SPAG9: variants seen among roughly 807,000 people sequenced by gnomAD.
SPAG9 encodes the protein sperm associated antigen 9.
Under a neutral mutation model 166.5 loss-of-function variants are expected in SPAG9, and 35 were observed. The observed-to-expected ratio is 0.21, with a 90% CI of 0.16 to 0.28. SPAG9 has a LOEUF of 0.28. Ranked by LOEUF, SPAG9 falls within the 10% of genes least tolerant of loss-of-function variation. The probability of loss-of-function intolerance (pLI) is 1.00; values close to 1 mark genes in which losing one functional copy is unlikely to be tolerated. For synonymous variants in SPAG9, 534 were observed against 565.5 expected (o/e 0.94, Z 0.79); for missense variants, 1,235 against 1,603.3 (o/e 0.77, Z 3.92).
rs899040954 is a variant in SPAG9 at position 50,970,859 on chromosome 17, G to T, written c.3701-3C>A. On this transcript the variant is annotated splice_region_variant and splice_polypyrimidine_tract_variant and intron_variant, in intron 28 of 29. Coordinates refer to ENST00000262013, the MANE Select transcript of SPAG9 (RefSeq NM_001130528.3). ...ACTTTGTGGGCTGATGACTTGACCT[G>T]TTTTATACAGAAACAAAAGTGAATA... The T allele has an allele frequency of 1.2e-6, 2 of 1,611,340 alleles. No individual in the cohort carries two copies. The highest frequency in any genetic ancestry group is 2.7e-5 in the African/African-American group (2 of 74,640).
intron 22 of SPAG9, 132 bp from the exon 23 acceptor site, chr17:50,985,910 T>C (rs1975014959): frequency 1.8e-6 from 1 of 547,110 alleles, no homozygotes; most frequent in Non-Finnish European, 3.2e-6. Flanking sequence ...GTGCTGCTGC[T>C]TTTGTGCAAT....
chr17:51,007,912 A>G (rs1321129096), intron 9 of SPAG9: 2 of 425,686 alleles, frequency 4.7e-6, no homozygotes, highest in African/African-American at 2.1e-5. Context: ...TTTACGTAAG[A>G]AACAGCATGA....
At chr17:50,970,573 A>C in intron 29 of SPAG9, 134 bp downstream of exon 29, 1 of 673,796 alleles carries the variant, frequency 1.5e-6, no homozygotes, top group South Asian at 3.7e-5. Flanking sequence ...AAAACCCACA[A>C]AATCCTTTCG....
chr17:51,028,870 T>G (rs2046286815), intron 6 of SPAG9, among the ~76,000 whole-genome samples: 1 of 152,218 alleles, frequency 6.6e-6, no homozygotes, highest in Non-Finnish European at 1.5e-5. Context: ...TACAGGTCAC[T>G]TGCCAGGTTG....
At chr17:51,053,898 T>TATATAA (rs1186528753) in intron 3 of SPAG9, among the ~76,000 whole-genome samples, 107 of 100,156 alleles carry the variant, frequency 1.1e-3, no homozygotes, top group Non-Finnish European at 1.6e-3. Flanking sequence ...TATATATATA[T>TATATAA]AAAACATATA....
At chr17:50,976,899 G>T in intron 27 of SPAG9, 1 of 420,762 alleles carries the variant, frequency 2.4e-6, no homozygotes, top group Non-Finnish European at 4.3e-6. Flanking sequence ...AAAATGTTTT[G>T]ACAACGAAAA....
intron 12 of SPAG9, among the ~76,000 whole-genome samples, chr17:51,004,273 T>C (rs2045097659): frequency 6.6e-6 from 1 of 152,136 alleles, no homozygotes; most frequent in African/African-American, 2.4e-5. Context: ...GGGTGGTAGG[T>C]TCACAATGTT....
intron 12 of SPAG9, among the ~76,000 whole-genome samples, chr17:51,002,190 AT>A (rs1219551994): frequency 6.6e-6 from 1 of 151,766 alleles, no homozygotes; most frequent in Non-Finnish European, 1.5e-5. Flanking sequence ...TAATTTTTAA[AT>A]TTTTTTGTAG....
At chr17:51,015,530 T>C (rs2045661143) in intron 8 of SPAG9, among the ~76,000 whole-genome samples, 1 of 151,934 alleles carries the variant, frequency 6.6e-6, no homozygotes, top group Non-Finnish European at 1.5e-5. Context: ...AAAGAAGGCC[T>C]CTATTATAAA....
At chr17:51,032,566 G>A (rs2046422349) in intron 5 of SPAG9, among the ~76,000 whole-genome samples, 1 of 152,092 alleles carries the variant, frequency 6.6e-6, no homozygotes, top group Non-Finnish European at 1.5e-5. Flanking sequence ...CAAAGCAACA[G>A]TTTCAAATAC....
intron 9 of SPAG9, among the ~76,000 whole-genome samples, chr17:51,008,769 T>C (rs976379675): frequency 6.6e-6 from 1 of 152,104 alleles, no homozygotes; most frequent in African/African-American, 2.4e-5. Flanking sequence ...CAAAACAAAA[T>C]AAAAGTCCCA....
chr17:51,050,753 C>T (rs914025574), intron 3 of SPAG9, among the ~76,000 whole-genome samples: 4 of 150,418 alleles, frequency 2.7e-5, no homozygotes, highest in African/African-American at 9.8e-5. Flanking sequence ...GGAGGGAGCA[C>T]CAGTGTTGTT....
chr17:51,106,629 T>G (rs531264863), intron 1 of SPAG9, among the ~76,000 whole-genome samples: 1 of 151,972 alleles, frequency 6.6e-6, no homozygotes, highest in Non-Finnish European at 1.5e-5. Flanking sequence ...AAACCCTGTC[T>G]CTACCAAAAA....
rs527359815 is a variant in SPAG9, at chr17:51,102,158, G to A, written c.303+18196C>T. 1.3e-4 allele frequency among the ~76,000 whole-genome samples: 19 copies of A among 151,874 alleles called. No homozygotes were observed. The South Asian group carries it at 2.3e-3, about 18-fold the overall frequency. ...AGCATTTTGGGAGGCCAAGGTGGGCGAACTGCCTGAGCTCAGGAATTTGAT... is the reference window on the plus strand; with the variant it reads ...AGCATTTTGGGAGGCCAAGGTGGGCAAACTGCCTGAGCTCAGGAATTTGAT... On this transcript the variant is annotated intron_variant, in intron 1 of 29. Transcript: ENST00000262013.
At chr17:51,007,420 G>T in intron 9 of SPAG9, 94 bp from the exon 10 acceptor site, 1 of 602,142 alleles carries the variant, frequency 1.7e-6, no homozygotes, top group South Asian at 2.8e-5. Flanking sequence ...TTTTATTTTA[G>T]AAATTTTATC....
intron 1 of SPAG9, among the ~76,000 whole-genome samples, chr17:51,086,458 T>C (rs2048309710): frequency 1.4e-5 from 2 of 147,982 alleles, no homozygotes; most frequent in Non-Finnish European, 3.0e-5. Flanking sequence ...CTGAGCAACA[T>C]GGTGAGACCC....
At chr17:50,978,153 G>A (rs1157807928) in intron 26 of SPAG9, among the ~76,000 whole-genome samples, 1 of 152,066 alleles carries the variant, frequency 6.6e-6, no homozygotes, top group Non-Finnish European at 1.5e-5. Context: ...CAAATTTATT[G>A]AGCAGGTAAT....
intron 9 of SPAG9, among the ~76,000 whole-genome samples, chr17:51,013,935 A>G (rs1241704730): frequency 6.6e-6 from 1 of 151,774 alleles, no homozygotes; most frequent in Non-Finnish European, 1.5e-5. Flanking sequence ...CACACACATC[A>G]CCATGTTCTT....
At chr17:51,061,612 C>CAAAAAAAAAAAAAAA (rs34010166) in intron 2 of SPAG9, among the ~76,000 whole-genome samples, 1 of 31,726 alleles carries the variant, frequency 3.2e-5, no homozygotes, top group African/African-American at 1.0e-4. Flanking sequence ...GCTCTGTCTC[C>CAAAAAAAAAAAAAAA]AAAAAAAAAA....
Sources: gnomAD v4.1 joint callset for allele counts (sites outside exome capture counted in the v4.1 genomes callset) on GRCh38, gnomAD v4.1.1 for gene constraint, MANE v1.5 for transcripts, NCBI Gene and HGNC (gene_info 2026-07-23, HGNC 2026-07-21) for gene names.